Variants in ST8SIA1 observed in about 807,000 individuals in gnomAD.
The protein encoded by ST8SIA1 is ST8 alpha-N-acetyl-neuraminide alpha-2,8-sialyltransferase 1.
ST8SIA1 carries 16 observed loss-of-function variants against 35.9 expected under a neutral mutation model. The ratio of observed to expected loss-of-function variants is 0.45; its 90% CI spans 0.30 to 0.68. The LOEUF (loss-of-function observed/expected upper bound fraction) is 0.68. Among genes scored for constraint, ST8SIA1 ranks in the 30% least tolerant of loss-of-function variants. The pLI is 0.09. For synonymous variants in ST8SIA1, 170 were observed against 169.6 expected (o/e 1.00, Z -0.02); for missense variants, 383 against 453.6 (o/e 0.84, Z 1.41).
At chr12:22,258,218 T>A (rs1375489208) in intron 2 of ST8SIA1, among the ~76,000 whole-genome samples, 1 of 152,072 alleles carries the variant, frequency 6.6e-6, no homozygotes, top group East Asian at 1.9e-4. Context: ...TTTACCAACA[T>A]ATGGAAGACT....
intron 1 of ST8SIA1, among the ~76,000 whole-genome samples, chr12:22,295,251 T>A (rs190368050): frequency 6.6e-6 from 1 of 152,142 alleles, no homozygotes; most frequent in African/African-American, 2.4e-5. Context: ...AAGAAAGCCA[T>A]GTGAATATCT....
At chr12:22,242,265 T>C (rs1865549611) in intron 4 of ST8SIA1, among the ~76,000 whole-genome samples, 1 of 152,208 alleles carries the variant, frequency 6.6e-6, no homozygotes, top group South Asian at 2.1e-4. Context: ...AGTGGGTTTA[T>C]ATTAAATCCA....
chr12:22,241,193 A>G (rs1243815925), intron 4 of ST8SIA1, among the ~76,000 whole-genome samples: 1 of 152,128 alleles, frequency 6.6e-6, no homozygotes, highest in African/African-American at 2.4e-5. Context: ...AACATTTTGT[A>G]TAATTTCAGA....
chr12:22,221,470 G>A (rs1169581509), intron 4 of ST8SIA1, among the ~76,000 whole-genome samples: 5 of 152,150 alleles, frequency 3.3e-5, no homozygotes, highest in African/African-American at 9.7e-5. Context: ...AATGAATAAA[G>A]ACGAAGAGAG....
At chr12:22,307,371 G>T (rs1046046187) in intron 1 of ST8SIA1, among the ~76,000 whole-genome samples, 4 of 152,126 alleles carry the variant, frequency 2.6e-5, no homozygotes, top group Non-Finnish European at 5.9e-5. Context: ...ATCTTGGTAT[G>T]GTTTAAGCCT....
At chr12:22,273,817 C>A (rs1315259291) in intron 2 of ST8SIA1, among the ~76,000 whole-genome samples, 1 of 152,206 alleles carries the variant, frequency 6.6e-6, no homozygotes, top group Admixed American at 6.5e-5. Flanking sequence ...CACTATGCTA[C>A]AAACTGAGAC....
intron 1 of ST8SIA1, among the ~76,000 whole-genome samples, chr12:22,296,260 A>G (rs1005969805): frequency 5.9e-5 from 9 of 152,156 alleles, no homozygotes; most frequent in African/African-American, 2.2e-4. Context: ...ACTCTAAGTG[A>G]AAAGGAGAAG....
Position 22,194,455 on chromosome 12 carries a change from C to T in ST8SIA1, c.*7097G>A, listed in dbSNP as rs757124237. ...CATTTATAGGACTTCTTGATAATAA[C>T]GATACAACTTGGAACAGACATGATT... On this transcript the variant is annotated 3_prime_UTR_variant, in exon 5 of 5. Coordinates refer to ENST00000396037, the MANE Select transcript of ST8SIA1 (RefSeq NM_003034.4). The T allele has an allele frequency of 2.0e-5, 3 of 152,036 alleles. No individual in the cohort carries two copies. The highest frequency in any genetic ancestry group is 2.1e-4 in the South Asian group (1 of 4,812). The allele number at this position is 152,036 out of a possible 1,614,324, so 9.4% of individuals were successfully genotyped here. A position where few individuals can be genotyped will look rare whatever the true frequency, so the allele number is the denominator to read the frequency against.
intron 2 of ST8SIA1, among the ~76,000 whole-genome samples, chr12:22,269,470 A>G (rs1271301518): frequency 6.6e-6 from 1 of 152,158 alleles, no homozygotes; most frequent in Non-Finnish European, 1.5e-5. Flanking sequence ...TATGAATACT[A>G]TTGTAATGTG....
chr12:22,272,563 C>T (rs747984304), intron 2 of ST8SIA1, among the ~76,000 whole-genome samples: 9 of 152,230 alleles, frequency 5.9e-5, no homozygotes, highest in Non-Finnish European at 1.3e-4. Context: ...GTATTTTCCT[C>T]CAGCAGCTGG....
intron 2 of ST8SIA1, among the ~76,000 whole-genome samples, chr12:22,265,640 G>T (rs1865839207): frequency 6.6e-6 from 1 of 152,074 alleles, no homozygotes; most frequent in African/African-American, 2.4e-5. Flanking sequence ...ATCTTTAAGA[G>T]ATCAACATTT....
chr12:22,311,684 GT>G lies in ST8SIA1; in HGVS notation c.236+22312del, dbSNP rs553344044. On this transcript the variant is annotated intron_variant, in intron 1 of 4. Transcript: ENST00000396037. ...ATACAAAATCATCAACACTATTCAT[GT>G]TTTTATTTATTTGGCAATTCTCTAG... Among the ~76,000 whole-genome samples, 419 of 152,170 alleles carry G rather than the reference GT, an allele frequency of 2.8e-3. 1 individual carries two copies. The highest frequency in any genetic ancestry group is 9.7e-3 in the African/African-American group (404 of 41,526).
chr12:22,279,002 A>C (rs1417862840), intron 2 of ST8SIA1, among the ~76,000 whole-genome samples: 2 of 152,106 alleles, frequency 1.3e-5, no homozygotes, highest in African/African-American at 2.4e-5. Flanking sequence ...CTCTCCTTAC[A>C]CTTAGTTTTT....
intron 1 of ST8SIA1, among the ~76,000 whole-genome samples, chr12:22,305,507 A>G (rs1156829485): frequency 6.6e-6 from 1 of 151,748 alleles, no homozygotes; most frequent in Non-Finnish European, 1.5e-5. Flanking sequence ...CAGCCTCCCA[A>G]GTAGCTGGGA....
intron 4 of ST8SIA1, among the ~76,000 whole-genome samples, chr12:22,237,337 TCCTCCCACCTCAG>T (rs1865486689): frequency 6.6e-6 from 1 of 152,014 alleles, no homozygotes; most frequent in Non-Finnish European, 1.5e-5. Context: ...CCTCAAGCAG[TCCTCCCACCTCAG>T]CCTCCTACCT....
At chr12:22,247,281 C>T (rs1391808160) in intron 4 of ST8SIA1, among the ~76,000 whole-genome samples, 1 of 152,126 alleles carries the variant, frequency 6.6e-6, no homozygotes, top group Admixed American at 6.6e-5. Flanking sequence ...TGTTTCATTT[C>T]CCTCCAAAGG....
At chr12:22,205,944 C>T (rs1427923182) in intron 4 of ST8SIA1, among the ~76,000 whole-genome samples, 2 of 151,978 alleles carry the variant, frequency 1.3e-5, no homozygotes, top group African/African-American at 4.8e-5. Flanking sequence ...ATATAACAAA[C>T]ATAAATTGGT....
At chr12:22,310,010 C>A (rs1866430446) in intron 1 of ST8SIA1, among the ~76,000 whole-genome samples, 1 of 152,038 alleles carries the variant, frequency 6.6e-6, no homozygotes, top group South Asian at 2.1e-4. Context: ...AAGAAGGAAG[C>A]CAGACTGATG....
intron 1 of ST8SIA1, 175 bp downstream of exon 1, chr12:22,333,822 C>T (rs763105711): frequency 9.0e-6 from 7 of 780,020 alleles, no homozygotes; most frequent in Admixed American, 1.7e-5. Context: ...GGGGAAGGAA[C>T]CCTGACTAAA....
Sources: gnomAD v4.1 joint callset for allele counts (sites outside exome capture counted in the v4.1 genomes callset) on GRCh38, gnomAD v4.1.1 for gene constraint, MANE v1.5 for transcripts, NCBI Gene and HGNC (gene_info 2026-07-23, HGNC 2026-07-21) for gene names.